The following FECH variants were observed in gnomAD, a reference collection of about 807,000 sequenced individuals.
The protein encoded by FECH is ferrochelatase, mitochondrial.
In FECH, 40 loss-of-function variants were observed where a neutral mutation model predicts 56.9. That is an observed-to-expected ratio of 0.70 (90% CI 0.55 to 0.92). The LOEUF (loss-of-function observed/expected upper bound fraction) is 0.92, where lower values mean the gene tolerates loss of function less well. Among genes scored for constraint, FECH ranks in the 40% least tolerant of loss-of-function variants. The pLI is 0.00. For missense variants in FECH, 431 were observed against 529.1 expected (o/e 0.81, Z 1.82); for synonymous variants, 175 against 198.6 (o/e 0.88, Z 1.00).
At chr18:57,570,063 G>GTT (rs1568150123) in intron 4 of FECH, among the ~76,000 whole-genome samples, 10 of 131,226 alleles carry the variant, frequency 7.6e-5, no homozygotes, top group African/African-American at 2.7e-4. Context: ...GTGTGTGTGT[G>GTT]TGTGTGTGTG....
chr18:57,581,472 C>A (rs1012175392), intron 1 of FECH, among the ~76,000 whole-genome samples: 1 of 152,336 alleles, frequency 6.6e-6, no homozygotes, highest in African/African-American at 2.4e-5. Flanking sequence ...CACATGACCT[C>A]TTCCCCATTC....
intron 2 of FECH, 119 bp from the exon 3 acceptor site, chr18:57,573,484 T>C: frequency 8.6e-7 from 1 of 1,164,804 alleles, no homozygotes; most frequent in Non-Finnish European, 1.3e-6. Context: ...ACTATGGCTC[T>C]TTTCACTGCC....
In FECH at chr18:57,559,186, C is replaced by A. The variant is rs148538669; in HGVS notation, c.763G>T (p.Glu255Ter). 1 of 1,613,742 alleles carries A rather than the reference C, an allele frequency of 6.2e-7. No individual in the cohort carries two copies. Among genetic ancestry groups the A allele is most frequent in the Non-Finnish European group, 8.5e-7 (1 of 1,179,774 alleles). The change falls in exon 7 of 11, where the codon GAG (glutamate) becomes TAG (stop). Residue 255 changes from glutamate (E) to a stop codon, truncating the protein, a stop_gained. Coordinates refer to ENST00000262093, the MANE Select transcript of FECH (RefSeq NM_000140.5). LOFTEE classifies it high-confidence loss of function. Reference sequence around the variant, plus strand: ...TGAGCAGAAAACAGAATGACCACCTCGCTTCTCTTCTCAAGTGGAAAATGG... The same window carrying A: ...TGAGCAGAAAACAGAATGACCACCTAGCTTCTCTTCTCAAGTGGAAAATGG... ...LDHFPLEKRS[E>*]VVILFSAHSL...
chr18:57,552,799 T>C (rs1416654185), intron 9 of FECH, among the ~76,000 whole-genome samples: 1 of 152,234 alleles, frequency 6.6e-6, no homozygotes. Flanking sequence ...GAAGAGGCTG[T>C]ATTCTCAAAC....
rs909932494 is a variant in FECH, at chr18:57,546,226, T to C, written c.*4486A>G. Among the ~76,000 whole-genome samples the C allele has an allele frequency of 4.1e-4, 63 of 152,076 alleles. No homozygotes were observed. Among genetic ancestry groups the C allele is most frequent in the African/African-American group, 1.4e-3 (58 of 41,372 alleles). The stretch of plus-strand genomic sequence containing the variant: ...AGAAGGTTAAGAGGTGAATTGGAGG[T>C]TCTTGGCTGATGCACCTGTGCCTTC... On this transcript the variant is annotated 3_prime_UTR_variant, in exon 11 of 11. Coordinates refer to ENST00000262093, the MANE Select transcript of FECH (RefSeq NM_000140.5).
At chr18:57,570,258 T>C (rs2051084793) in intron 4 of FECH, among the ~76,000 whole-genome samples, 1 of 152,114 alleles carries the variant, frequency 6.6e-6, no homozygotes, top group Non-Finnish European at 1.5e-5. Context: ...TAAGTAGGTG[T>C]GAATGGAGGG....
chr18:57,576,918 G>A (rs543228401), intron 2 of FECH, among the ~76,000 whole-genome samples: 8 of 152,178 alleles, frequency 5.3e-5, no homozygotes, highest in African/African-American at 9.6e-5. Context: ...TTCATGTTCC[G>A]TTTGTTTGAA....
chr18:57,550,153 T>C lies in FECH; in HGVS notation c.*559A>G, dbSNP rs2050778359. ...CACACACAAATACCAAGATGACCAA[T>C]GAATGGTGGCCTCGCTGGCAAAAGC... On this transcript the variant is annotated 3_prime_UTR_variant, in exon 11 of 11. Transcript: ENST00000262093. 1 of 154,044 alleles carries C rather than the reference T, an allele frequency of 6.5e-6. No homozygotes were observed. Among genetic ancestry groups the C allele is most frequent in the African/African-American group, 2.4e-5 (1 of 41,462 alleles). 9.5% of individuals were successfully genotyped at this position (154,044 alleles called of 1,614,324 possible).
chr18:57,569,017 G>C (rs938463706), intron 4 of FECH, among the ~76,000 whole-genome samples: 3 of 152,154 alleles, frequency 2.0e-5, no homozygotes, highest in Non-Finnish European at 4.4e-5. Context: ...TAAACTGCCT[G>C]AACCAGAGCA....
At chr18:57,579,684 C>T (rs570164378) in intron 2 of FECH, among the ~76,000 whole-genome samples, 9 of 152,332 alleles carry the variant, frequency 5.9e-5, no homozygotes, top group Admixed American at 5.2e-4. Flanking sequence ...AATACTCTAG[C>T]TTCCTATAGA....
intron 1 of FECH, among the ~76,000 whole-genome samples, chr18:57,583,747 G>A (rs1410472958): frequency 6.7e-6 from 1 of 149,540 alleles, no homozygotes; most frequent in Admixed American, 6.7e-5. Flanking sequence ...AACTGCTTGG[G>A]CCCAGGAGTT....
rs2050718057 is a variant in FECH, at chr18:57,546,221, G to T, written c.*4491C>A. On this transcript the variant is annotated 3_prime_UTR_variant, in exon 11 of 11. Transcript: ENST00000262093. ...AGGTGAGAAGGTTAAGAGGTGAATTGGAGGTTCTTGGCTGATGCACCTGTG... is the reference window on the plus strand; with the variant it reads ...AGGTGAGAAGGTTAAGAGGTGAATTTGAGGTTCTTGGCTGATGCACCTGTG... Among the ~76,000 whole-genome samples the T allele has an allele frequency of 6.6e-6, 1 of 152,210 alleles. No individual in the cohort carries two copies. Among genetic ancestry groups the T allele is most frequent in the Admixed American group, 6.5e-5 (1 of 15,288 alleles).
intron 7 of FECH, 66 bp downstream of exon 7, chr18:57,559,079 A>G (rs2050905687): frequency 9.3e-7 from 1 of 1,079,520 alleles, no homozygotes; most frequent in Admixed American, 1.7e-5. Context: ...CCCATTTTAC[A>G]CATTTAGAAA....
rs564734119 is a variant in FECH, at chr18:57,546,184, G to A, written c.*4528C>T. ...GCCACCTTCAGGATTCTGGCAGAAG[G>A]GGTTTCAGGTGAGGTGAGAAGGTTA... On this transcript the variant is annotated 3_prime_UTR_variant, in exon 11 of 11. Transcript: ENST00000262093. Among the ~76,000 whole-genome samples the A allele has an allele frequency of 3.3e-5, 5 of 152,222 alleles. No individual in the cohort carries two copies. Among genetic ancestry groups the A allele is most frequent in the Non-Finnish European group, 7.3e-5 (5 of 68,040 alleles).
At chr18:57,578,171 T>C (rs1463015648) in intron 2 of FECH, among the ~76,000 whole-genome samples, 1 of 152,098 alleles carries the variant, frequency 6.6e-6, no homozygotes, top group East Asian at 1.9e-4. Context: ...TTCTATCAAA[T>C]CCCAACCCTC....
chr18:57,584,529 T>C (rs1489835032), intron 1 of FECH, among the ~76,000 whole-genome samples: 1 of 151,986 alleles, frequency 6.6e-6, no homozygotes, highest in Non-Finnish European at 1.5e-5. Flanking sequence ...CAAATTAATA[T>C]TTTGGATCCT....
At chr18:57,583,897 C>T (rs1204350789) in intron 1 of FECH, among the ~76,000 whole-genome samples, 2 of 151,048 alleles carry the variant, frequency 1.3e-5, no homozygotes, top group Non-Finnish European at 2.9e-5. Context: ...GAAAACGAAA[C>T]TTCACCGGGC....
At chr18:57,571,706 T>A in intron 3 of FECH, 166 bp from the exon 4 acceptor site, 1 of 920,430 alleles carries the variant, frequency 1.1e-6, no homozygotes, top group Non-Finnish European at 1.6e-6. Flanking sequence ...GCTCTCTTGT[T>A]GTAGAATAAG....
In FECH at chr18:57,559,234, C is replaced by T. The variant is rs758552474; in HGVS notation, c.715G>A (p.Asp239Asn). ...TGGTCCAGTTCCTTTAGAATATGAT[C>T]TGCAAAGCACTGAGTGAGTAACAAG... ...THHLLIQCFADHILKELDHFP... is the reference protein window; with the variant it reads ...THHLLIQCFANHILKELDHFP... The change falls in exon 7 of 11, where the codon GAT (aspartate) becomes AAT (asparagine). Residue 239 changes from aspartate to asparagine, a missense_variant. Physicochemically the swap from Asp to Asn is conservative, Grantham distance 23. Coordinates refer to ENST00000262093, the MANE Select transcript of FECH (RefSeq NM_000140.5). 1 of 1,606,432 alleles carries T rather than the reference C, an allele frequency of 6.2e-7. No homozygotes were observed.
Sources: gnomAD v4.1 joint callset for allele counts (sites outside exome capture counted in the v4.1 genomes callset) on GRCh38, gnomAD v4.1.1 for gene constraint, MANE v1.5 for transcripts, NCBI Gene and HGNC (gene_info 2026-07-23, HGNC 2026-07-21) for gene names.